The following MYLK variants were observed in gnomAD, a reference collection of about 807,000 sequenced individuals.
MYLK encodes myosin light chain kinase, smooth muscle.
Under a neutral mutation model 203.4 loss-of-function variants are expected in MYLK, and 106 were observed. The ratio of observed to expected loss-of-function variants is 0.52; its 90% CI spans 0.45 to 0.61. The LOEUF (loss-of-function observed/expected upper bound fraction) is 0.61, where lower values mean the gene tolerates loss of function less well. Ranked by LOEUF, MYLK falls within the 20% of genes least tolerant of loss-of-function variation. The probability of loss-of-function intolerance (pLI) is 0.00; values close to 1 mark genes in which losing one functional copy is unlikely to be tolerated. For missense variants in MYLK, 2,072 were observed against 2,442.3 expected (o/e 0.85, Z 3.20); for synonymous variants, 867 against 959.5 (o/e 0.90, Z 1.78).
chr3:123,649,265 G>A (rs1337700626), intron 24 of MYLK, 71 bp from the exon 25 acceptor site: 1 of 1,599,978 alleles, frequency 6.3e-7, no homozygotes, highest in Non-Finnish European at 8.5e-7. Flanking sequence ...AGAGCAAGAT[G>A]TGCTGGGGGC....
Position 123,640,290 on chromosome 3 carries a change from G to A in MYLK, c.4834C>T (p.Leu1612=). Residue 1612 remains leucine, a synonymous_variant, in exon 28 of 34, where the codon CTG becomes TTG. Transcript: ENST00000360304. The surrounding 1 kb of genome is among the most constrained non-coding windows in gnomAD (Gnocchi z 4.3). ...GGGAGAGGCAGATGAGCCTTACCCAGCCTCCTGGCCAGACCAAAGTCGATG... is the reference window on the plus strand; with the variant it reads ...GGGAGAGGCAGATGAGCCTTACCCAACCTCCTGGCCAGACCAAAGTCGATG... ...KLIDFGLARR[L]ENAGSLKVLF... 1 of 1,613,848 alleles carries A rather than the reference G, an allele frequency of 6.2e-7. No individual in the cohort carries two copies. Among genetic ancestry groups the A allele is most frequent in the Non-Finnish European group, 8.5e-7 (1 of 1,179,960 alleles).
intron 11 of MYLK, among the ~76,000 whole-genome samples, chr3:123,731,631 C>A (rs1283073458): frequency 8.4e-4 from 127 of 152,054 alleles, no homozygotes; most frequent in Non-Finnish European, 1.9e-4. Context: ...TTCCTATGTA[C>A]CCATCTCTCA....
Position 123,857,828 on chromosome 3 carries a change from A to G in MYLK, c.-127+18731T>C, listed in dbSNP as rs578124358. Among the ~76,000 whole-genome samples, 29 of 152,178 alleles carry G rather than the reference A, an allele frequency of 1.9e-4. 1 individual carries two copies. Among genetic ancestry groups the G allele is most frequent in the African/African-American group, 6.5e-4 (27 of 41,504 alleles). On this transcript the variant is annotated intron_variant, in intron 2 of 33. Transcript: ENST00000360304. ...TAAAGAAAGAAAGAAAAAAGAAAAA[A>G]AAAATTGTGTGTCATGGGCTATGGC...
chr3:123,813,441 A>G (rs1178428429), intron 3 of MYLK, among the ~76,000 whole-genome samples: 1 of 152,022 alleles, frequency 6.6e-6, no homozygotes, highest in African/African-American at 2.4e-5. Context: ...ATTCATCTAC[A>G]ACACCTGGGC....
chr3:123,882,840 G>A (rs987553229), intron 1 of MYLK, among the ~76,000 whole-genome samples: 1 of 152,226 alleles, frequency 6.6e-6, no homozygotes, highest in Non-Finnish European at 1.5e-5. Flanking sequence ...GCACTGTGGT[G>A]CCAGCAGCAT....
intron 3 of MYLK, among the ~76,000 whole-genome samples, chr3:123,797,415 G>A (rs2065027234): frequency 6.6e-6 from 1 of 152,122 alleles, no homozygotes; most frequent in East Asian, 1.9e-4. Context: ...CATGAGTGGG[G>A]CATGTGTGTT....
At chr3:123,682,437 G>A in intron 19 of MYLK, 127 bp from the exon 20 acceptor site, 1 of 756,416 alleles carries the variant, frequency 1.3e-6, no homozygotes, top group South Asian at 1.5e-5. Context: ...TGCCCGCTGG[G>A]CAGAACAGCG....
intron 22 of MYLK, 136 bp from the exon 23 acceptor site, chr3:123,664,394 C>G: frequency 8.2e-7 from 1 of 1,221,226 alleles, no homozygotes; most frequent in Non-Finnish European, 1.2e-6. Context: ...GGTCTGGACT[C>G]TGCCCTTCTC....
chr3:123,848,716 A>G (rs1014353587), intron 2 of MYLK, among the ~76,000 whole-genome samples: 6 of 152,160 alleles, frequency 3.9e-5, no homozygotes, highest in Non-Finnish European at 7.3e-5. Context: ...GCTAAACTGG[A>G]AGTAAAGCAG....
chr3:123,646,513 ATG>A (rs146598767), intron 27 of MYLK, among the ~76,000 whole-genome samples: 5 of 147,802 alleles, frequency 3.4e-5, no homozygotes, highest in African/African-American at 7.9e-5. Context: ...GCTTGACTGT[ATG>A]TGTGTGTGTG....
At chr3:123,736,229 C>T (rs113796622) in intron 8 of MYLK, among the ~76,000 whole-genome samples, 10 of 152,290 alleles carry the variant, frequency 6.6e-5, no homozygotes, top group Non-Finnish European at 1.0e-4. Flanking sequence ...TTTCCTGAAA[C>T]TTGTTTACCT....
chr3:123,818,422 C>G (rs916541088), intron 3 of MYLK, among the ~76,000 whole-genome samples: 2 of 152,104 alleles, frequency 1.3e-5, no homozygotes, highest in African/African-American at 2.4e-5. Flanking sequence ...AACACAACCA[C>G]AGGGAACCTG....
intron 20 of MYLK, among the ~76,000 whole-genome samples, chr3:123,674,851 C>T (rs548425869): frequency 1.3e-5 from 2 of 152,370 alleles, no homozygotes; most frequent in East Asian, 1.9e-4. Flanking sequence ...GTTCATGGCC[C>T]TCTGAGGTAG....
At chr3:123,822,779 C>T (rs573331336) in intron 3 of MYLK, among the ~76,000 whole-genome samples, 31 of 152,308 alleles carry the variant, frequency 2.0e-4, no homozygotes, top group African/African-American at 7.5e-4. Flanking sequence ...TAGGAAGGGA[C>T]TAGTCCTGGA....
chr3:123,834,741 C>T (rs1462658080), intron 2 of MYLK, among the ~76,000 whole-genome samples: 1 of 152,152 alleles, frequency 6.6e-6, no homozygotes. Context: ...GAGAGAAACA[C>T]TGGAAGGGAA....
intron 32 of MYLK, 39 bp from the exon 33 acceptor site, chr3:123,618,809 C>T (rs997305224): frequency 1.2e-5 from 19 of 1,612,816 alleles, no homozygotes; most frequent in African/African-American, 2.7e-5. Flanking sequence ...TTTCTTCACT[C>T]GTTGTTCTCG....
At chr3:123,717,318 G>A (rs535715367) in intron 13 of MYLK, among the ~76,000 whole-genome samples, 1 of 152,334 alleles carries the variant, frequency 6.6e-6, no homozygotes, top group Non-Finnish European at 1.5e-5. Flanking sequence ...CCAAGCAAAC[G>A]CTGACTTCAC....
chr3:123,751,220 T>G (rs931901420), intron 5 of MYLK, among the ~76,000 whole-genome samples: 2 of 152,218 alleles, frequency 1.3e-5, no homozygotes, highest in African/African-American at 2.4e-5. Context: ...CCCCATGTCC[T>G]TCCTGATATC....
At position 123,734,048 on chromosome 3, in the gene MYLK, G is replaced by A; in HGVS notation, c.948C>T (p.Pro316=). ...PPWAANSQPQ[P]PRESKLESCK... ...ATGACTCCAGCTTGGACTCCCTTGGGGGCTGAGGCTGGCTGTTTGCAGCCC... is the reference window on the plus strand; with the variant it reads ...ATGACTCCAGCTTGGACTCCCTTGGAGGCTGAGGCTGGCTGTTTGCAGCCC... Residue 316 remains proline, a synonymous_variant, in exon 10 of 34, where the codon CCC becomes CCT. Coordinates refer to ENST00000360304, the MANE Select transcript of MYLK (RefSeq NM_053025.4). The A allele has an allele frequency of 6.2e-7, 1 of 1,614,064 alleles. No individual in the cohort carries two copies. The highest frequency in any genetic ancestry group is 8.5e-7 in the Non-Finnish European group (1 of 1,179,952).
Sources: allele counts gnomAD v4.1 joint callset (sites outside exome capture counted in the v4.1 genomes callset), GRCh38; gene constraint gnomAD v4.1.1; non-coding constraint Gnocchi (gnomAD v3.1); transcripts MANE v1.5; gene names NCBI Gene and HGNC (gene_info 2026-07-23, HGNC 2026-07-21).